The following CPNE5 variants were observed in gnomAD, a reference collection of about 807,000 sequenced individuals.
CPNE5 encodes copine 5.
Under a neutral mutation model 81.1 loss-of-function variants are expected in CPNE5, and 42 were observed. The ratio of observed to expected loss-of-function variants is 0.52; its 90% confidence interval spans 0.40 to 0.67. The LOEUF is 0.67. CPNE5 is among the 30% of genes least tolerant of loss of function. CPNE5 has a pLI of 0.00. For synonymous variants in CPNE5, 313 were observed against 321.5 expected, an observed-to-expected ratio of 0.97 and a Z score of 0.28; for missense variants, 612 against 815.5, an observed-to-expected ratio of 0.75 and a Z score of 3.04.
intron 10 of CPNE5, among the ~76,000 whole-genome samples, chr6:36,773,554 G>A (rs1319635552): frequency 1.1e-4 from 16 of 152,186 alleles, no homozygotes; most frequent in South Asian, 8.3e-4. Flanking sequence ...CATGACAGGG[G>A]TTCCCTAAAC....
chr6:36,802,134 G>A (rs1370907138), intron 3 of CPNE5, among the ~76,000 whole-genome samples: 15 of 140,734 alleles, frequency 1.1e-4, no homozygotes, highest in African/African-American at 1.6e-4. Context: ...CAGGAGAATC[G>A]CTTGAACCCA....
rs1409809758 is a variant in CPNE5 at position 36,823,059 on chromosome 6, T to A, written c.135A>T (p.Pro45=). The part of the protein sequence containing the change: ...LDKDMFSKSD[P]LCVMYTQGME... The stretch of plus-strand genomic sequence containing the variant: ...TCTTATTGTCAGAGCAGGACTTACG[T>A]GGGTCGGACTTGGAAAACATGTCTT... The change falls in exon 2 of 21, where the codon CCA becomes CCT. Residue 45 remains proline (P), a splice_region_variant and synonymous_variant. Coordinates refer to ENST00000244751, the MANE Select transcript of CPNE5 (RefSeq NM_020939.2). 6.3e-7 allele frequency: 1 copy of A among 1,575,178 alleles called. No individual in the cohort carries two copies. The highest frequency in any genetic ancestry group is 1.4e-5 in the African/African-American group (1 of 73,966).
chr6:36,804,499 C>A (rs1304317774), intron 3 of CPNE5, among the ~76,000 whole-genome samples: 2 of 152,120 alleles, frequency 1.3e-5, no homozygotes, highest in Non-Finnish European at 2.9e-5. Context: ...CAGGTAAACA[C>A]CCAGGTTTGA....
Position 36,745,036 on chromosome 6 carries a change from C to A in CPNE5, c.1431+12G>T, listed in dbSNP as rs756945763. ...CTCAAACCGCCTCCCCCACCGCACACTCCTTGCTTACGTTGACAATGGCCT... is the reference window on the plus strand; with the variant it reads ...CTCAAACCGCCTCCCCCACCGCACAATCCTTGCTTACGTTGACAATGGCCT... On this transcript the variant is annotated intron_variant, in intron 18 of 20. Coordinates refer to ENST00000244751, the MANE Select transcript of CPNE5 (RefSeq NM_020939.2). 5.0e-6 allele frequency: 8 copies of A among 1,603,380 alleles called. No individual in the cohort carries two copies. In the South Asian group the frequency reaches 7.7e-5, roughly 15 times the overall value.
intron 5 of CPNE5, 106 bp from the exon 6 acceptor site, chr6:36,798,347 A>C: frequency 6.7e-7 from 1 of 1,499,866 alleles, no homozygotes; most frequent in Non-Finnish European, 9.3e-7. Flanking sequence ...CTTAAATGAC[A>C]GGACGCAGCG....
intron 10 of CPNE5, among the ~76,000 whole-genome samples, chr6:36,770,936 C>T (rs189337051): frequency 1.1e-4 from 16 of 152,138 alleles, no homozygotes; most frequent in Non-Finnish European, 1.9e-4. Flanking sequence ...ATCTGGCTGC[C>T]GATCACACTG....
intron 10 of CPNE5, among the ~76,000 whole-genome samples, chr6:36,769,986 G>C (rs1210914234): frequency 1.3e-5 from 2 of 152,232 alleles, no homozygotes; most frequent in East Asian, 3.8e-4. Context: ...ATCAAGGTGT[G>C]AGCAGCCTGA....
intron 8 of CPNE5, among the ~76,000 whole-genome samples, chr6:36,784,997 G>A (rs1323840179): frequency 2.0e-5 from 3 of 151,362 alleles, no homozygotes; most frequent in African/African-American, 7.3e-5. Flanking sequence ...AAACATCACT[G>A]GAATCAATCA....
At chr6:36,817,686 A>C (rs1192008877) in intron 3 of CPNE5, among the ~76,000 whole-genome samples, 2 of 152,130 alleles carry the variant, frequency 1.3e-5, no homozygotes, top group Non-Finnish European at 2.9e-5. Flanking sequence ...AGAAAGACTG[A>C]CCCAAGTTGA....
chr6:36,755,466 T>G (rs1765318308), intron 13 of CPNE5: 1 of 152,008 alleles, frequency 6.6e-6, no homozygotes, highest in Admixed American at 6.6e-5. Context: ...CCTTTACCCT[T>G]TATACTTTTT....
At position 36,746,105 on chromosome 6, in the gene CPNE5, C is replaced by T; in HGVS notation, c.1200+291G>A. ...CCACCTTGTTCACTTTTCTGGGGCC[C>T]TGAGGGATGGGTCAGCCACAGCTCG... is the stretch of plus-strand genomic sequence containing the variant. On this transcript the variant is annotated intron_variant, in intron 16 of 20. Coordinates refer to ENST00000244751, the MANE Select transcript of CPNE5 (RefSeq NM_020939.2). This position sits in a 1 kb window ranked among gnomAD's most constrained non-coding sequence, Gnocchi z 4.5. The T allele has an allele frequency of 1.1e-6, 1 of 950,016 alleles. No individual in the cohort carries two copies. Among genetic ancestry groups the T allele is most frequent in the Non-Finnish European group, 1.2e-6 (1 of 803,818 alleles). The allele number at this position is 950,016 out of a possible 1,614,324, so 58.8% of individuals were successfully genotyped here. A position where few individuals can be genotyped will look rare whatever the true frequency, so the allele number is the denominator to read the frequency against.
intron 3 of CPNE5, among the ~76,000 whole-genome samples, chr6:36,817,700 C>A (rs143868823): frequency 2.0e-5 from 3 of 152,294 alleles, no homozygotes; most frequent in African/African-American, 7.2e-5. Flanking sequence ...AAGTTGACTG[C>A]CCCAATGGTC....
At chr6:36,779,413 A>G (rs1426318026) in intron 8 of CPNE5, among the ~76,000 whole-genome samples, 1 of 152,196 alleles carries the variant, frequency 6.6e-6, no homozygotes, top group African/African-American at 2.4e-5. Flanking sequence ...AAGGTGACAT[A>G]GCAAACCCAA....
intron 10 of CPNE5, among the ~76,000 whole-genome samples, chr6:36,771,720 G>A (rs185766844): frequency 3.9e-5 from 6 of 151,998 alleles, no homozygotes; most frequent in African/African-American, 1.5e-4. Context: ...TGGAAGGAGG[G>A]GACAGTGGCC....
chr6:36,745,165 T>A lies in CPNE5; in HGVS notation c.1329-15A>T. 1 of 1,604,866 alleles carries A rather than the reference T, an allele frequency of 6.2e-7. No homozygotes were observed. The highest frequency in any genetic ancestry group is 8.5e-7 in the Non-Finnish European group (1 of 1,172,284). ...CCGCTGCATTCCTGGGTGGGGCAGG[T>A]GTGGGCTCAGGTCTGTCTGCGGGAC... On this transcript the variant is annotated splice_polypyrimidine_tract_variant and intron_variant, in intron 17 of 20. Transcript: ENST00000244751.
rs146095201 is a variant in CPNE5 at position 36,774,975 on chromosome 6, G to A, written c.723C>T (p.Asn241=). The change falls in exon 10 of 21, where the codon AAC becomes AAT. Residue 241 remains asparagine, a synonymous_variant. Transcript: ENST00000244751. ...TCTCATCTCACCGATCGTAGTCGCCGTTGCAGAGGGCTCTCACGGGAATGG... is the reference window on the plus strand; with the variant it reads ...TCTCATCTCACCGATCGTAGTCGCCATTGCAGAGGGCTCTCACGGGAATGG... ...TFSIPVRALC[N]GDYDRTIKVE... 5.6e-5 allele frequency: 90 copies of A among 1,613,604 alleles called. No individual in the cohort carries two copies. The highest frequency in any genetic ancestry group is 6.8e-5 in the Non-Finnish European group (80 of 1,179,500).
chr6:36,828,005 C>A (rs558497636), intron 1 of CPNE5, among the ~76,000 whole-genome samples: 3 of 152,048 alleles, frequency 2.0e-5, no homozygotes, highest in Non-Finnish European at 4.4e-5. Flanking sequence ...CTTCCCCTTG[C>A]GGAATCATTT....
chr6:36,760,061 A>G (rs1765869100), intron 12 of CPNE5, among the ~76,000 whole-genome samples: 1 of 151,782 alleles, frequency 6.6e-6, no homozygotes, highest in African/African-American at 2.4e-5. Flanking sequence ...GCAAAAAAAA[A>G]AAAAAATCGC....
At chr6:36,781,202 C>G (rs1232341114) in intron 8 of CPNE5, among the ~76,000 whole-genome samples, 1 of 152,094 alleles carries the variant, frequency 6.6e-6, no homozygotes, top group Non-Finnish European at 1.5e-5. Context: ...TATTATGCCT[C>G]TCATCATCGC....
Sources: gnomAD v4.1 joint callset for allele counts (sites outside exome capture counted in the v4.1 genomes callset) on GRCh38, gnomAD v4.1.1 for gene constraint, Gnocchi (gnomAD v3.1) non-coding constraint, MANE v1.5 for transcripts, NCBI Gene and HGNC (gene_info 2026-07-23, HGNC 2026-07-21) for gene names.